Variants in GRID2 observed in about 807,000 individuals in gnomAD.
GRID2 encodes the protein glutamate ionotropic receptor delta type subunit 2.
GRID2 carries 33 observed loss-of-function variants against 114.8 expected under a neutral mutation model. The observed-to-expected ratio is 0.29, with a 90% CI of 0.22 to 0.38. The LOEUF (loss-of-function observed/expected upper bound fraction) is 0.38, where lower values mean the gene tolerates loss of function less well. Among genes scored for constraint, GRID2 ranks in the 10% least tolerant of loss-of-function variants. The pLI, the probability that GRID2 is intolerant of heterozygous loss-of-function variation, is 1.00. For missense variants in GRID2, 1,184 were observed against 1,257.7 expected (o/e 0.94, Z 0.89); for synonymous variants, 505 against 449.9 (o/e 1.12, Z -1.55).
chr4:92,978,623 G>A (rs1754010313), intron 2 of GRID2, among the ~76,000 whole-genome samples: 1 of 152,132 alleles, frequency 6.6e-6, no homozygotes, highest in South Asian at 2.1e-4. Flanking sequence ...AATTATGGAT[G>A]TTGTTAGTTA....
chr4:93,460,622 A>T (rs1322901022), intron 11 of GRID2, among the ~76,000 whole-genome samples: 3 of 152,176 alleles, frequency 2.0e-5, no homozygotes, highest in Non-Finnish European at 4.4e-5. Flanking sequence ...TGAATATAAG[A>T]TAGTGTACTA....
chr4:93,265,683 A>G (rs1750745312), intron 8 of GRID2, among the ~76,000 whole-genome samples: 1 of 152,204 alleles, frequency 6.6e-6, no homozygotes, highest in Non-Finnish European at 1.5e-5. Flanking sequence ...AATAAAAACA[A>G]GTAAGGTAAT....
At chr4:92,420,298 A>G (rs1731836787) in intron 1 of GRID2, among the ~76,000 whole-genome samples, 1 of 152,162 alleles carries the variant, frequency 6.6e-6, no homozygotes, top group African/African-American at 2.4e-5. Context: ...ATAAACTTTT[A>G]AATAGTAAGT....
intron 1 of GRID2, among the ~76,000 whole-genome samples, chr4:92,329,124 A>G (rs1726747959): frequency 1.3e-5 from 2 of 152,028 alleles, no homozygotes; most frequent in Admixed American, 1.3e-4. Context: ...AGCTTTCACT[A>G]TTCAAGATTA....
intron 2 of GRID2, among the ~76,000 whole-genome samples, chr4:93,070,597 A>G (rs2149304577): frequency 6.6e-6 from 1 of 152,204 alleles, no homozygotes; most frequent in South Asian, 2.1e-4. Flanking sequence ...GATTAAAGAT[A>G]GAAGAAAAAA....
chr4:92,684,447 G>A (rs1056949755), intron 2 of GRID2, among the ~76,000 whole-genome samples: 8 of 151,880 alleles, frequency 5.3e-5, no homozygotes, highest in African/African-American at 1.7e-4. Flanking sequence ...TTCTGTAAAT[G>A]AGAATGTGAC....
chr4:93,799,899 C>T lies in GRID2; in HGVS notation c.222-6816C>T, dbSNP rs142191743. Among the ~76,000 whole-genome samples, 158 of 152,266 alleles carry T rather than the reference C, an allele frequency of 1.0e-3. 2 individuals carry two copies. The East Asian group carries it at 0.02, about 19-fold the overall frequency. ...CTATAAATATGACTACAATAATTCT[C>T]AGTGAGACACTAAGGAAATCTTATT... On this transcript the variant is annotated intron_variant, in intron 1 of 1. Transcript: ENST00000637838.
At chr4:93,023,129 G>C (rs1174674105) in intron 2 of GRID2, among the ~76,000 whole-genome samples, 1 of 148,988 alleles carries the variant, frequency 6.7e-6, no homozygotes, top group Non-Finnish European at 1.5e-5. Context: ...GTGTGTGTAT[G>C]TATGTGTGTG....
chr4:92,713,470 CATATACATATATATATATATATATATAT>C (rs1192333557), intron 2 of GRID2, among the ~76,000 whole-genome samples: 2,258 of 74,874 alleles, frequency 0.03, 54 homozygotes, highest in Non-Finnish European at 0.044. Flanking sequence ...TTTACATATA[CATATACATATATATATATATATATATAT>C]ATATATATAT....
At chr4:93,314,364 C>T (rs779431858) in intron 8 of GRID2, among the ~76,000 whole-genome samples, 8 of 149,278 alleles carry the variant, frequency 5.4e-5, no homozygotes, top group Non-Finnish European at 8.9e-5. Flanking sequence ...CACATTCTTC[C>T]AATGTCCTAC....
chr4:92,398,840 A>G (rs192020190), intron 1 of GRID2, among the ~76,000 whole-genome samples: 1 of 152,330 alleles, frequency 6.6e-6, no homozygotes, highest in African/African-American at 2.4e-5. Context: ...TAAAAAATGC[A>G]TATAATTTAA....
intron 1 of GRID2, among the ~76,000 whole-genome samples, chr4:92,553,190 A>G (rs1579570138): frequency 1.3e-5 from 2 of 152,296 alleles, no homozygotes; most frequent in South Asian, 2.1e-4. Context: ...AATATCTAAG[A>G]CGGACCTAAC....
intron 4 of GRID2, among the ~76,000 whole-genome samples, chr4:93,136,966 TA>T (rs1275901756): frequency 2.6e-5 from 4 of 152,208 alleles, no homozygotes; most frequent in African/African-American, 9.6e-5. Flanking sequence ...TGGCCTCTTC[TA>T]TTGCATAGTT....
chr4:93,769,579 A>C (rs1283992928), intron 15 of GRID2, 129 bp downstream of exon 15: 1 of 775,086 alleles, frequency 1.3e-6, no homozygotes, highest in Non-Finnish European at 2.1e-6. Context: ...GATTAAAAAT[A>C]AAGTTGTGAA....
chr4:92,483,243 C>G (rs1238557739), intron 1 of GRID2, among the ~76,000 whole-genome samples: 1 of 152,080 alleles, frequency 6.6e-6, no homozygotes. Flanking sequence ...GAGGCTGAGG[C>G]AAGAGAATCG....
intron 2 of GRID2, among the ~76,000 whole-genome samples, chr4:92,730,159 T>A (rs944227857): frequency 6.6e-6 from 1 of 151,986 alleles, no homozygotes; most frequent in Non-Finnish European, 1.5e-5. Flanking sequence ...TATTTATTTT[T>A]CCTTTCTTTC....
chr4:93,583,811 G>T (rs1260140233), intron 13 of GRID2, among the ~76,000 whole-genome samples: 3 of 151,990 alleles, frequency 2.0e-5, no homozygotes, highest in Non-Finnish European at 4.4e-5. Context: ...TTATACACTA[G>T]CAATTGACAA....
chr4:93,067,995 C>A (rs1290933286), intron 2 of GRID2, among the ~76,000 whole-genome samples: 1 of 151,998 alleles, frequency 6.6e-6, no homozygotes, highest in African/African-American at 2.4e-5. Context: ...CAACTGTAAG[C>A]TTCTAAAGAG....
At chr4:92,994,033 C>T (rs562552936) in intron 2 of GRID2, among the ~76,000 whole-genome samples, 1 of 152,194 alleles carries the variant, frequency 6.6e-6, no homozygotes, top group East Asian at 1.9e-4. Flanking sequence ...ATCTTTTATC[C>T]AGTGTCTGAG....
Sources: gnomAD v4.1 joint callset for allele counts (sites outside exome capture counted in the v4.1 genomes callset) on GRCh38, gnomAD v4.1.1 for gene constraint, MANE v1.5 for transcripts, NCBI Gene and HGNC (gene_info 2026-07-23, HGNC 2026-07-21) for gene names.